The following CCDC141 variants were observed in gnomAD, a reference collection of about 807,000 sequenced individuals.
The protein encoded by CCDC141 is coiled-coil domain-containing protein 141.
A neutral mutation model predicts 181.0 loss-of-function variants in CCDC141; 168 were observed. That is an observed-to-expected ratio of 0.93 (90% CI 0.82 to 1.05). The LOEUF is 1.05. Ranked by LOEUF, CCDC141 falls within the 50% of genes least tolerant of loss-of-function variation. The probability of loss-of-function intolerance (pLI) is 0.00; values close to 1 mark genes in which losing one functional copy is unlikely to be tolerated. For missense variants in CCDC141, 1,902 were observed against 1,788.5 expected, an observed-to-expected ratio of 1.06 and a Z score of -1.14; for synonymous variants, 666 against 642.3, an observed-to-expected ratio of 1.04 and a Z score of -0.56.
intron 2 of CCDC141, among the ~76,000 whole-genome samples, chr2:178,981,888 C>A (rs1174726753): frequency 6.6e-6 from 1 of 150,644 alleles, no homozygotes; most frequent in Non-Finnish European, 1.5e-5. Flanking sequence ...ATTGATAAAT[C>A]CCTAGTCAGG....
chr2:178,888,538 A>G lies in CCDC141; in HGVS notation c.1396T>C (p.Tyr466His). The change falls in exon 9 of 24, where the codon TAC (tyrosine) becomes CAC (histidine). Residue 466 changes from tyrosine (Y) to histidine (H), a missense_variant. Physicochemically the swap from Tyr to His is moderately conservative, Grantham distance 83. Transcript: ENST00000443758. ...KQQLTASVEGYLRKVEMSIQK... is the reference protein window; with the variant it reads ...KQQLTASVEGHLRKVEMSIQK... ...GTTTACGAAACTACCTTCCGTAGGT[A>G]ACCCTCCACTGAGGCTGTTAGTTGT... 3 of 1,550,058 alleles carry G rather than the reference A, an allele frequency of 1.9e-6. No individual in the cohort carries two copies. The highest frequency in any genetic ancestry group is 2.6e-6 in the Non-Finnish European group (3 of 1,146,642).
At chr2:179,047,244 C>T (rs1301580307) in intron 2 of CCDC141, 40 bp downstream of exon 2, 3 of 1,481,460 alleles carry the variant, frequency 2.0e-6, no homozygotes, top group South Asian at 1.4e-5. Context: ...TTTTTTATGT[C>T]TCTTTAATTT....
rs1687810633 is a variant in CCDC141, at chr2:178,903,563, A to T, written c.1265+1766T>A. ...TAGTTGGGAACTGAACAATGAGAACACATGGACACAGGAAGGGGAACATCA... is the reference window on the plus strand; with the variant it reads ...TAGTTGGGAACTGAACAATGAGAACTCATGGACACAGGAAGGGGAACATCA... On this transcript the variant is annotated intron_variant, in intron 8 of 23. Transcript: ENST00000443758. Among the ~76,000 whole-genome samples, 3 of 132,504 alleles carry T rather than the reference A, an allele frequency of 2.3e-5. No homozygotes were observed. The South Asian group carries it at 7.6e-4, about 34-fold the overall frequency. 86.9% of individuals were successfully genotyped at this position (132,504 alleles called of 152,430 possible).
chr2:178,931,596 G>A (rs1367975326), intron 6 of CCDC141, among the ~76,000 whole-genome samples: 2 of 152,068 alleles, frequency 1.3e-5, no homozygotes, highest in Admixed American at 1.3e-4. Flanking sequence ...TTATTTAATG[G>A]TATTTCCAGA....
At chr2:178,985,694 C>T (rs1023596001) in intron 2 of CCDC141, among the ~76,000 whole-genome samples, 19 of 152,218 alleles carry the variant, frequency 1.2e-4, no homozygotes, top group Admixed American at 2.0e-4. Context: ...AACACCACTA[C>T]GCAAATAAAC....
chr2:178,883,115 T>C (rs1221901159), intron 11 of CCDC141, among the ~76,000 whole-genome samples: 1 of 152,220 alleles, frequency 6.6e-6, no homozygotes, highest in East Asian at 1.9e-4. Context: ...AGTTGATGCT[T>C]AAATGAAAGC....
chr2:179,004,108 T>A lies in CCDC141; in HGVS notation c.226-25433A>T, dbSNP rs542008317. Among the ~76,000 whole-genome samples the A allele has an allele frequency of 1.3e-3, 191 of 152,286 alleles. 2 individuals are homozygous for A. Among genetic ancestry groups the A allele is most frequent in the Non-Finnish European group, 2.4e-3 (161 of 68,016 alleles). ...TTTGGGGCTTCATAGTAAATACAAT[T>A]ACCTCAACAAATTTGGTCTATTGGT... On this transcript the variant is annotated intron_variant, in intron 2 of 23. Coordinates refer to ENST00000443758, the MANE Select transcript of CCDC141 (RefSeq NM_173648.4).
intron 8 of CCDC141, among the ~76,000 whole-genome samples, chr2:178,900,166 T>C (rs1275138194): frequency 2.0e-5 from 3 of 152,176 alleles, no homozygotes; most frequent in Non-Finnish European, 4.4e-5. Flanking sequence ...AGAAACCATA[T>C]TGCTAATGAT....
chr2:179,001,130 A>T lies in CCDC141; in HGVS notation c.226-22455T>A, dbSNP rs367954394. On this transcript the variant is annotated intron_variant, in intron 2 of 23. Coordinates refer to ENST00000443758, the MANE Select transcript of CCDC141 (RefSeq NM_173648.4). The stretch of plus-strand genomic sequence containing the variant: ...AGTTTGAGAAAATATGAAAAAAGTC[A>T]AACACTGCCATTCCTTTAGCACCAG... 5.3e-5 allele frequency among the ~76,000 whole-genome samples: 8 copies of T among 152,324 alleles called. No individual in the cohort carries two copies. The South Asian group carries it at 1.7e-3, about 32-fold the overall frequency.
chr2:179,027,759 G>A lies in CCDC141; in HGVS notation c.225+19525C>T, dbSNP rs142591538. Reference sequence around the variant, plus strand: ...CTTGTTCCTCCTTGCCTTCCACCATGATTGTGAGGCCTCCCCAACCATGTG... The same window carrying A: ...CTTGTTCCTCCTTGCCTTCCACCATAATTGTGAGGCCTCCCCAACCATGTG... On this transcript the variant is annotated intron_variant, in intron 2 of 23. Coordinates refer to ENST00000443758, the MANE Select transcript of CCDC141 (RefSeq NM_173648.4). Among the ~76,000 whole-genome samples the A allele has an allele frequency of 3.3e-5, 5 of 149,290 alleles. No homozygotes were observed. In the East Asian group the frequency reaches 9.9e-4, roughly 30 times the overall value.
At chr2:178,924,105 C>T (rs1688823260) in intron 6 of CCDC141, among the ~76,000 whole-genome samples, 1 of 152,150 alleles carries the variant, frequency 6.6e-6, no homozygotes. Flanking sequence ...GGATTTTAAC[C>T]ATTCAACATC....
chr2:179,015,253 C>A (rs1232680994), intron 2 of CCDC141, among the ~76,000 whole-genome samples: 2 of 130,916 alleles, frequency 1.5e-5, no homozygotes, highest in Non-Finnish European at 3.2e-5. Flanking sequence ...TCATATATAT[C>A]TCATATATAT....
chr2:178,836,378 A>G (rs1684476806), intron 23 of CCDC141: 1 of 153,244 alleles, frequency 6.5e-6, no homozygotes, highest in East Asian at 1.9e-4. Flanking sequence ...TCCACCTCTC[A>G]CATTGAAAAA....
At chr2:178,924,167 G>A (rs1379455189) in intron 6 of CCDC141, among the ~76,000 whole-genome samples, 1 of 152,108 alleles carries the variant, frequency 6.6e-6, no homozygotes, top group African/African-American at 2.4e-5. Context: ...GTTTTAAGTG[G>A]GGGAAAGGTG....
At chr2:178,978,378 T>C (rs1691216629) in intron 3 of CCDC141, 106 bp downstream of exon 3, 1 of 732,404 alleles carries the variant, frequency 1.4e-6, no homozygotes, top group South Asian at 5.4e-5. Flanking sequence ...TATTCTGCCA[T>C]TTTTTTAACT....
In CCDC141 at chr2:178,902,344, A is replaced by G. The variant is rs557528060; in HGVS notation, c.1265+2985T>C. ...CAAAGCTGGAGGCATCACGCTACCT[A>G]ACTTCAAACTATACTACAAGTCTAC... On this transcript the variant is annotated intron_variant, in intron 8 of 23. Transcript: ENST00000443758. Among the ~76,000 whole-genome samples the G allele has an allele frequency of 7.9e-5, 12 of 152,222 alleles. No individual in the cohort carries two copies. The East Asian group carries it at 1.4e-3, about 17-fold the overall frequency.
chr2:178,893,114 G>A (rs974771266), intron 8 of CCDC141, among the ~76,000 whole-genome samples: 1 of 152,138 alleles, frequency 6.6e-6, no homozygotes, highest in African/African-American at 2.4e-5. Flanking sequence ...AAGCATCACA[G>A]ACTGTGAAAG....
chr2:179,048,200 A>C (rs1454737432), intron 1 of CCDC141, among the ~76,000 whole-genome samples: 1 of 152,208 alleles, frequency 6.6e-6, no homozygotes, highest in Non-Finnish European at 1.5e-5. Flanking sequence ...TACTAAAGAG[A>C]AATTAGAAAA....
At chr2:178,977,699 C>A (rs1052672281) in intron 3 of CCDC141, among the ~76,000 whole-genome samples, 3 of 152,112 alleles carry the variant, frequency 2.0e-5, no homozygotes, top group Non-Finnish European at 4.4e-5. Context: ...TTTAAAATGT[C>A]ATATTTTTCA....
Sources: allele counts gnomAD v4.1 joint callset (sites outside exome capture counted in the v4.1 genomes callset), GRCh38; gene constraint gnomAD v4.1.1; transcripts MANE v1.5; gene names NCBI Gene and HGNC (gene_info 2026-07-23, HGNC 2026-07-21).